KDM4C: variants seen among roughly 807,000 people sequenced by gnomAD.
KDM4C encodes the protein lysine-specific demethylase 4C.
A neutral mutation model predicts 129.3 loss-of-function variants in KDM4C; 81 were observed. That is an observed-to-expected ratio of 0.63 (90% CI 0.52 to 0.75). The LOEUF (loss-of-function observed/expected upper bound fraction) is 0.75, where lower values mean the gene tolerates loss of function less well. KDM4C is among the 30% of genes least tolerant of loss of function. The pLI is 0.00. For missense variants in KDM4C, 1,457 were observed against 1,304.0 expected (o/e 1.12, Z -1.81); for synonymous variants, 573 against 456.1 (o/e 1.26, Z -3.26).
intron 20 of KDM4C, among the ~76,000 whole-genome samples, chr9:7,168,457 A>G (rs923990327): frequency 4.6e-5 from 7 of 152,304 alleles, no homozygotes; most frequent in African/African-American, 1.4e-4. Context: ...ACCTAAACCA[A>G]TCTAAACCTA....
At chr9:6,928,790 G>T (rs1055306977) in intron 8 of KDM4C, among the ~76,000 whole-genome samples, 1 of 152,042 alleles carries the variant, frequency 6.6e-6, no homozygotes, top group African/African-American at 2.4e-5. Flanking sequence ...GCTACCCCTT[G>T]GCTCTGTCTT....
chr9:7,129,259 A>G (rs1840358785), intron 19 of KDM4C, among the ~76,000 whole-genome samples: 1 of 152,170 alleles, frequency 6.6e-6, no homozygotes, highest in African/African-American at 2.4e-5. Flanking sequence ...AGTTTCTAGG[A>G]TTTTGGTCTC....
chr9:7,095,242 A>G lies in KDM4C; in HGVS notation c.2425-8443A>G, dbSNP rs73407474. Among the ~76,000 whole-genome samples, 954 of 152,340 alleles carry G rather than the reference A, an allele frequency of 6.3e-3. 11 individuals are homozygous for G. Among genetic ancestry groups the G allele is most frequent in the African/African-American group, 0.021 (890 of 41,582 alleles). ...AATGCATGTGTTTCAGTAAACATAC[A>G]TGAAACAGAGATTTGAGGAACTATA... On this transcript the variant is annotated intron_variant, in intron 17 of 21. Transcript: ENST00000381309.
chr9:7,158,214 T>A (rs1017711949), intron 19 of KDM4C, among the ~76,000 whole-genome samples: 34 of 152,232 alleles, frequency 2.2e-4, no homozygotes, highest in Non-Finnish European at 3.7e-4. Context: ...TTTTTCATTT[T>A]TTATTGCATC....
At chr9:7,160,387 G>T (rs886064568) in intron 19 of KDM4C, among the ~76,000 whole-genome samples, 1 of 152,210 alleles carries the variant, frequency 6.6e-6, no homozygotes, top group Non-Finnish European at 1.5e-5. Context: ...GCGAGGAGCT[G>T]TGATCCTTTG....
intron 8 of KDM4C, among the ~76,000 whole-genome samples, chr9:6,943,042 A>C (rs1826247369): frequency 6.6e-6 from 1 of 151,744 alleles, no homozygotes; most frequent in Non-Finnish European, 1.5e-5. Flanking sequence ...ATTTTTTTTA[A>C]GTTTTTTGTA....
At chr9:6,839,303 C>G (rs564281666) in intron 4 of KDM4C, among the ~76,000 whole-genome samples, 20 of 152,176 alleles carry the variant, frequency 1.3e-4, no homozygotes, top group African/African-American at 4.3e-4. Flanking sequence ...CATCATTGCT[C>G]CCTGCAGCCG....
chr9:6,772,387 G>T (rs1392585919), intron 1 of KDM4C, among the ~76,000 whole-genome samples: 1 of 149,212 alleles, frequency 6.7e-6, no homozygotes, highest in Non-Finnish European at 1.5e-5. Context: ...TTGAGACGGC[G>T]TCTTGCTCTT....
At chr9:7,146,647 C>T (rs752387801) in intron 19 of KDM4C, among the ~76,000 whole-genome samples, 1 of 152,176 alleles carries the variant, frequency 6.6e-6, no homozygotes, top group Non-Finnish European at 1.5e-5. Context: ...CTGTTTAACT[C>T]ACTACTCATT....
At chr9:6,966,566 C>G (rs1222405267) in intron 8 of KDM4C, among the ~76,000 whole-genome samples, 1 of 152,180 alleles carries the variant, frequency 6.6e-6, no homozygotes, top group Admixed American at 6.5e-5. Context: ...AAAAATATCT[C>G]TGTTTGTAGA....
At chr9:7,068,386 T>G (rs1229873400) in intron 17 of KDM4C, among the ~76,000 whole-genome samples, 2 of 152,208 alleles carry the variant, frequency 1.3e-5, no homozygotes, top group Non-Finnish European at 2.9e-5. Context: ...TGTATACAAT[T>G]TGATCACCTC....
At chr9:6,931,262 G>A (rs1030855297) in intron 8 of KDM4C, among the ~76,000 whole-genome samples, 13 of 152,062 alleles carry the variant, frequency 8.5e-5, no homozygotes, top group Non-Finnish European at 1.3e-4. Flanking sequence ...AGCTAAAGGA[G>A]TGTATACTGA....
At chr9:6,893,299 A>G (rs768432801) in intron 8 of KDM4C, 67 bp downstream of exon 8, 7 of 1,329,870 alleles carry the variant, frequency 5.3e-6, no homozygotes, top group South Asian at 2.7e-5. Context: ...TAGGAACCCT[A>G]CGATCCTGTG....
chr9:6,908,610 T>C (rs569715224), intron 8 of KDM4C, among the ~76,000 whole-genome samples: 1 of 151,810 alleles, frequency 6.6e-6, no homozygotes, highest in Non-Finnish European at 1.5e-5. Context: ...CAAGATCTTC[T>C]TGGGGGGAGG....
chr9:6,752,794 C>T (rs1588068834), upstream of KDM4C, among the ~76,000 whole-genome samples: 1 of 152,150 alleles, frequency 6.6e-6, no homozygotes, highest in African/African-American at 2.4e-5. Context: ...ATGCCAAGTG[C>T]TCTATTTCCT....
rs114757960 is a variant in KDM4C, at chr9:6,734,769, T to A, written c.49+13772T>A. The A allele has an allele frequency of 4.4e-3, 1,672 of 381,918 alleles. 25 individuals are homozygous for A. The highest frequency in any genetic ancestry group is 0.033 in the African/African-American group (1,557 of 47,698). The allele number at this position is 381,918 out of a possible 1,614,324, so 23.7% of individuals were successfully genotyped here. ...CTTGTATATAAGCCTCTCACCTACT[T>A]AAAATATGTTTGTAAATGAAATGTT... On this transcript the variant is annotated intron_variant, in intron 1 of 17. Coordinates refer to the KDM4C transcript ENST00000536108.
chr9:6,812,410 G>T (rs1047779416), intron 3 of KDM4C, among the ~76,000 whole-genome samples: 6 of 152,096 alleles, frequency 3.9e-5, no homozygotes, highest in African/African-American at 7.2e-5. Flanking sequence ...TTGGGGCAGT[G>T]GTCCCCAACC....
intron 17 of KDM4C, among the ~76,000 whole-genome samples, chr9:7,088,608 G>C (rs549949276): frequency 6.6e-6 from 1 of 152,110 alleles, no homozygotes; most frequent in Non-Finnish European, 1.5e-5. Flanking sequence ...ATATGCAATC[G>C]TCTGAAAGGT....
chr9:6,917,649 G>C (rs1392714894), intron 8 of KDM4C, among the ~76,000 whole-genome samples: 1 of 152,132 alleles, frequency 6.6e-6, no homozygotes, highest in African/African-American at 2.4e-5. Flanking sequence ...GTCCAGCCAT[G>C]TTGCCGAGTT....
Sources: allele counts gnomAD v4.1 joint callset (sites outside exome capture counted in the v4.1 genomes callset), GRCh38; gene constraint gnomAD v4.1.1; transcripts MANE v1.5; gene names NCBI Gene and HGNC (gene_info 2026-07-23, HGNC 2026-07-21).